Variants in L2HGDH observed in about 807,000 individuals in gnomAD.
The protein encoded by L2HGDH is L-2-hydroxyglutarate dehydrogenase.
A neutral mutation model predicts 51.5 loss-of-function variants in L2HGDH; 34 were observed. The ratio of observed to expected loss-of-function variants is 0.66; its 90% confidence interval spans 0.50 to 0.88. The LOEUF (loss-of-function observed/expected upper bound fraction) is 0.88. L2HGDH is among the 40% of genes least tolerant of loss of function. The pLI is 0.00. For missense variants in L2HGDH, 558 were observed against 571.9 expected, an observed-to-expected ratio of 0.98 and a Z score of 0.25; for synonymous variants, 198 against 197.9, an observed-to-expected ratio of 1.00 and a Z score of -0.01.
chr14:50,287,393 T>C (rs1227256967), intron 4 of L2HGDH: 3 of 688,006 alleles, frequency 4.4e-6, no homozygotes, highest in East Asian at 1.3e-4. Flanking sequence ...ACCATTAGGA[T>C]ACCAGTAATC....
chr14:50,280,668 T>G (rs1595108339), intron 5 of L2HGDH, among the ~76,000 whole-genome samples: 1 of 152,034 alleles, frequency 6.6e-6, no homozygotes, highest in Non-Finnish European at 1.5e-5. Context: ...ATTATTTTAT[T>G]TAATTAAAAA....
chr14:50,305,989 T>C (rs1321902478), intron 1 of L2HGDH, among the ~76,000 whole-genome samples: 3 of 152,186 alleles, frequency 2.0e-5, no homozygotes, highest in South Asian at 2.1e-4. Flanking sequence ...TTTTGATCCA[T>C]AGTTGGTTGA....
intron 1 of L2HGDH, 87 bp from the exon 2 acceptor site, chr14:50,303,104 T>C: frequency 1.2e-6 from 1 of 827,946 alleles, no homozygotes. Flanking sequence ...CAATGGACAA[T>C]TAAACCATTA....
intron 4 of L2HGDH, among the ~76,000 whole-genome samples, chr14:50,290,851 A>G (rs915264592): frequency 2.0e-5 from 3 of 152,098 alleles, no homozygotes; most frequent in Non-Finnish European, 4.4e-5. Context: ...ATTTTAATTC[A>G]TCACAAAATA....
chr14:50,258,927 G>GACCACTAGGCTCA (rs1888831619), intron 9 of L2HGDH, among the ~76,000 whole-genome samples: 1 of 151,004 alleles, frequency 6.6e-6, no homozygotes. Context: ...CTGCTGCCTC[G>GACCACTAGGCTCA]ACCACTAGGC....
At chr14:50,273,028 C>T (rs2139992808) in intron 6 of L2HGDH, among the ~76,000 whole-genome samples, 1 of 152,264 alleles carries the variant, frequency 6.6e-6, no homozygotes, top group East Asian at 1.9e-4. Flanking sequence ...GACCTCTGAA[C>T]ATCACACCTA....
At chr14:50,311,464 G>A (rs1595166799) in intron 1 of L2HGDH, 2 of 456,074 alleles carry the variant, frequency 4.4e-6, no homozygotes, top group East Asian at 6.9e-5. Context: ...CAATGGTTTC[G>A]AATGTGACGT....
chr14:50,296,164 G>C (rs2030031587), intron 3 of L2HGDH, among the ~76,000 whole-genome samples: 1 of 151,836 alleles, frequency 6.6e-6, no homozygotes, highest in Non-Finnish European at 1.5e-5. Context: ...TTGAGCTCAG[G>C]AGTTCGAGAA....
chr14:50,302,532 C>T (rs572282932), intron 2 of L2HGDH, among the ~76,000 whole-genome samples: 3 of 152,194 alleles, frequency 2.0e-5, no homozygotes. Flanking sequence ...AGAGAAGAGC[C>T]GATGGATAAA....
rs150901230 is a variant in L2HGDH, at chr14:50,301,027, T to C, written c.408+990A>G. Among the ~76,000 whole-genome samples, 859 of 152,296 alleles carry C rather than the reference T, an allele frequency of 5.6e-3. 6 individuals are homozygous for C. Among genetic ancestry groups the C allele is most frequent in the Non-Finnish European group, 1.0e-2 (678 of 68,016 alleles). ...TTTTTGTAGAGATAGGGTCTCACTA[T>C]GTTGCCCGAGCTGGTCTCAAACCCT... is the stretch of plus-strand genomic sequence containing the variant. On this transcript the variant is annotated intron_variant, in intron 3 of 9. Transcript: ENST00000267436.
At chr14:50,289,536 CAT>C (rs779796597) in intron 4 of L2HGDH, among the ~76,000 whole-genome samples, 2 of 152,154 alleles carry the variant, frequency 1.3e-5, no homozygotes, top group Non-Finnish European at 2.9e-5. Context: ...GCACCTCATT[CAT>C]AGATTTAGAA....
chr14:50,276,760 T>A (rs192514073), intron 6 of L2HGDH, among the ~76,000 whole-genome samples: 7 of 152,326 alleles, frequency 4.6e-5, no homozygotes, highest in Admixed American at 3.9e-4. Flanking sequence ...TGTGGGCTTT[T>A]TAGGCCACCC....
In L2HGDH at chr14:50,245,059, C is replaced by G. The variant is rs1261328266; in HGVS notation, c.*1999G>C. 1 of 985,698 alleles carries G rather than the reference C, an allele frequency of 1.0e-6. No individual in the cohort carries two copies. Among genetic ancestry groups the G allele is most frequent in the Non-Finnish European group, 1.2e-6 (1 of 829,938 alleles). 61.1% of individuals were successfully genotyped at this position (985,698 alleles called of 1,614,324 possible). On this transcript the variant is annotated 3_prime_UTR_variant, in exon 10 of 10. Coordinates refer to ENST00000267436, the MANE Select transcript of L2HGDH (RefSeq NM_024884.3). Reference sequence around the variant, plus strand: ...CATATATACAGGATATACCACAGCACTGGGCATCAACTTAAAATACTCATG... The same window carrying G: ...CATATATACAGGATATACCACAGCAGTGGGCATCAACTTAAAATACTCATG...
At chr14:50,303,858 T>C (rs1267860318) in intron 1 of L2HGDH, among the ~76,000 whole-genome samples, 1 of 141,042 alleles carries the variant, frequency 7.1e-6, no homozygotes, top group Non-Finnish European at 1.5e-5. Context: ...CACTGGTCAG[T>C]AGTATAATCA....
chr14:50,279,656 A>T (rs1029931381), intron 5 of L2HGDH, among the ~76,000 whole-genome samples: 2 of 152,042 alleles, frequency 1.3e-5, no homozygotes, highest in Non-Finnish European at 2.9e-5. Flanking sequence ...CATGGACAAC[A>T]TAGTGAGACC....
At chr14:50,290,595 T>C (rs1335740770) in intron 4 of L2HGDH, among the ~76,000 whole-genome samples, 1 of 152,206 alleles carries the variant, frequency 6.6e-6, no homozygotes, top group Non-Finnish European at 1.5e-5. Context: ...TTAAAACAGC[T>C]ACAGACAATA....
At chr14:50,299,077 C>T (rs892661349) in intron 3 of L2HGDH, among the ~76,000 whole-genome samples, 10 of 151,936 alleles carry the variant, frequency 6.6e-5, no homozygotes, top group African/African-American at 2.4e-4. Context: ...ATTGACAAAC[C>T]TTTAGCCAGA....
intron 6 of L2HGDH, among the ~76,000 whole-genome samples, chr14:50,271,974 C>G (rs1047624900): frequency 6.6e-6 from 1 of 152,088 alleles, no homozygotes. Flanking sequence ...AACCCTGTCT[C>G]TACTAAAAAT....
At chr14:50,309,579 T>TA (rs2030935227) in intron 1 of L2HGDH, among the ~76,000 whole-genome samples, 1 of 151,684 alleles carries the variant, frequency 6.6e-6, no homozygotes, top group Non-Finnish European at 1.5e-5. Flanking sequence ...AAAAAAAATT[T>TA]AGATTCACAG....
Sources: gnomAD v4.1 joint callset for allele counts (sites outside exome capture counted in the v4.1 genomes callset) on GRCh38, gnomAD v4.1.1 for gene constraint, MANE v1.5 for transcripts, NCBI Gene and HGNC (gene_info 2026-07-23, HGNC 2026-07-21) for gene names.